Variants in GPATCH2 observed in about 807,000 individuals in gnomAD.
GPATCH2 encodes the protein G patch domain-containing protein 2.
Under a neutral mutation model 58.0 loss-of-function variants are expected in GPATCH2, and 51 were observed. The observed-to-expected ratio is 0.88, with a 90% CI of 0.70 to 1.11. The LOEUF (loss-of-function observed/expected upper bound fraction) is 1.11. GPATCH2 is among the 50% of genes most tolerant of loss of function. The probability of loss-of-function intolerance (pLI) is 0.00; values close to 1 mark genes in which losing one functional copy is unlikely to be tolerated. For missense variants in GPATCH2, 625 were observed against 652.2 expected, an observed-to-expected ratio of 0.96 and a Z score of 0.45; for synonymous variants, 222 against 218.5, an observed-to-expected ratio of 1.02 and a Z score of -0.14.
intron 8 of GPATCH2, among the ~76,000 whole-genome samples, chr1:217,458,005 A>G (rs1479162393): frequency 6.6e-6 from 1 of 152,102 alleles, no homozygotes; most frequent in Non-Finnish European, 1.5e-5. Flanking sequence ...AGGCGGGCGG[A>G]CCACGAAGTC....
intron 5 of GPATCH2, among the ~76,000 whole-genome samples, chr1:217,561,240 C>T (rs558754118): frequency 6.5e-4 from 99 of 152,274 alleles, no homozygotes; most frequent in Non-Finnish European, 1.1e-3. Flanking sequence ...AATTACAACT[C>T]AACATGAGGG....
At chr1:217,557,098 CTT>C (rs139750658) in intron 5 of GPATCH2, among the ~76,000 whole-genome samples, 1,675 of 152,266 alleles carry the variant, frequency 0.011, 34 homozygotes, top group African/African-American at 0.038. Flanking sequence ...GTTTCTCTCT[CTT>C]TACATCTTTT....
intron 6 of GPATCH2, among the ~76,000 whole-genome samples, chr1:217,500,976 G>A (rs1435485146): frequency 1.3e-5 from 2 of 151,856 alleles, no homozygotes; most frequent in African/African-American, 2.4e-5. Flanking sequence ...ATAATATTTT[G>A]CAAACTATAG....
chr1:217,451,264 C>T (rs373849610), intron 8 of GPATCH2, among the ~76,000 whole-genome samples: 28 of 152,192 alleles, frequency 1.8e-4, no homozygotes, highest in Middle Eastern at 6.8e-3. Flanking sequence ...AAAAACTATG[C>T]TTTCAGGAGT....
intron 5 of GPATCH2, among the ~76,000 whole-genome samples, chr1:217,605,396 T>C (rs2102802355): frequency 6.6e-6 from 1 of 152,236 alleles, no homozygotes; most frequent in Admixed American, 6.5e-5. Flanking sequence ...TAAACATGTA[T>C]AAATAGTCAA....
chr1:217,551,686 T>A (rs992580279), intron 5 of GPATCH2, among the ~76,000 whole-genome samples: 3 of 152,152 alleles, frequency 2.0e-5, no homozygotes, highest in African/African-American at 7.2e-5. Context: ...AATATTTTTT[T>A]AAAACTTTGT....
chr1:217,492,541 A>T (rs184459016), intron 7 of GPATCH2: 157 of 152,304 alleles, frequency 1.0e-3, no homozygotes, highest in African/African-American at 3.5e-3. Flanking sequence ...ACAAAAATAA[A>T]AGTCTTGGAA....
At chr1:217,540,645 C>G (rs1340243105) in intron 5 of GPATCH2, among the ~76,000 whole-genome samples, 1 of 152,142 alleles carries the variant, frequency 6.6e-6, no homozygotes, top group African/African-American at 2.4e-5. Flanking sequence ...CAATTCTGAA[C>G]CACTTTAGTG....
chr1:217,584,259 G>A (rs1386984610), intron 5 of GPATCH2, among the ~76,000 whole-genome samples: 5 of 150,026 alleles, frequency 3.3e-5, no homozygotes, highest in East Asian at 2.0e-4. Flanking sequence ...GTGGGAGGCC[G>A]AGGCGGGCAG....
chr1:217,455,662 T>C (rs944414081), intron 8 of GPATCH2, among the ~76,000 whole-genome samples: 4 of 152,032 alleles, frequency 2.6e-5, no homozygotes, highest in African/African-American at 9.7e-5. Flanking sequence ...GAGCCACTGA[T>C]ATGGACAGGA....
At chr1:217,626,920 T>G (rs982011088) in intron 1 of GPATCH2, among the ~76,000 whole-genome samples, 4 of 151,798 alleles carry the variant, frequency 2.6e-5, no homozygotes, top group African/African-American at 9.7e-5. Flanking sequence ...TTCTGAAACA[T>G]GTAAATGATT....
chr1:217,470,375 GACGTAAGTAAT>G (rs1660669688), intron 8 of GPATCH2, among the ~76,000 whole-genome samples: 1 of 152,190 alleles, frequency 6.6e-6, no homozygotes, highest in Non-Finnish European at 1.5e-5. Flanking sequence ...AAAAAGAGAA[GACGTAAGTAAT>G]AAGAGTTTCA....
At chr1:217,622,591 T>C (rs1669247104) in intron 1 of GPATCH2, among the ~76,000 whole-genome samples, 1 of 152,240 alleles carries the variant, frequency 6.6e-6, no homozygotes, top group Admixed American at 6.5e-5. Context: ...TTACCCAGGC[T>C]GAAGTGCAGT....
intron 6 of GPATCH2, 99 bp downstream of exon 6, chr1:217,514,723 G>A: frequency 1.8e-6 from 1 of 570,336 alleles, no homozygotes; most frequent in East Asian, 2.8e-5. Context: ...TTTTTAAAAA[G>A]TACAAATTAA....
At chr1:217,447,900 C>T (rs1452284438) in intron 9 of GPATCH2, among the ~76,000 whole-genome samples, 1 of 152,080 alleles carries the variant, frequency 6.6e-6, no homozygotes, top group Non-Finnish European at 1.5e-5. Context: ...GAGTTCAAGA[C>T]CAGCCTGGCC....
intron 9 of GPATCH2, among the ~76,000 whole-genome samples, chr1:217,434,364 A>G (rs1303992226): frequency 1.3e-5 from 2 of 152,240 alleles, no homozygotes; most frequent in African/African-American, 4.8e-5. Context: ...GTTTAATATA[A>G]CAAAAAAGCA....
intron 9 of GPATCH2, among the ~76,000 whole-genome samples, chr1:217,439,887 A>C (rs2102535423): frequency 6.6e-6 from 1 of 152,324 alleles, no homozygotes; most frequent in African/African-American, 2.4e-5. Context: ...CCTACCAACC[A>C]AAATAAGCCC....
intron 5 of GPATCH2, among the ~76,000 whole-genome samples, chr1:217,562,206 T>G (rs983209108): frequency 6.6e-6 from 1 of 152,194 alleles, no homozygotes; most frequent in Non-Finnish European, 1.5e-5. Flanking sequence ...CTCCCTTTTT[T>G]AAAACACAGC....
At chr1:217,573,633 A>T (rs1048211126) in intron 5 of GPATCH2, among the ~76,000 whole-genome samples, 1 of 152,222 alleles carries the variant, frequency 6.6e-6, no homozygotes, top group Admixed American at 6.5e-5. Flanking sequence ...TTAAACAGAA[A>T]AAGACAGAGC....
Sources: gnomAD v4.1 joint callset for allele counts (sites outside exome capture counted in the v4.1 genomes callset) on GRCh38, gnomAD v4.1.1 for gene constraint, MANE v1.5 for transcripts, NCBI Gene and HGNC (gene_info 2026-07-23, HGNC 2026-07-21) for gene names.